The following CSMD1 variants were observed in gnomAD, a reference collection of about 807,000 sequenced individuals.
The protein encoded by CSMD1 is CUB and sushi domain-containing protein 1.
CSMD1 carries 213 observed loss-of-function variants against 417.5 expected under a neutral mutation model. That is an observed-to-expected ratio of 0.51 (90% CI 0.46 to 0.57). The LOEUF is 0.57. Ranked by LOEUF, CSMD1 falls within the 20% of genes least tolerant of loss-of-function variation. The probability of loss-of-function intolerance (pLI) is 0.00; values close to 1 mark genes in which losing one functional copy is unlikely to be tolerated. For missense variants in CSMD1, 6,923 were observed against 4,529.7 expected (o/e 1.53, Z -15.17); for synonymous variants, 2,862 against 1,736.8 (o/e 1.65, Z -16.11).
At chr8:4,018,053 G>T (rs910404581) in intron 4 of CSMD1, among the ~76,000 whole-genome samples, 17 of 146,594 alleles carry the variant, frequency 1.2e-4, no homozygotes, top group African/African-American at 3.5e-4. Context: ...TGTCACTAGT[G>T]TGGGTATGTA....
chr8:4,283,431 C>A (rs1327128442), intron 3 of CSMD1, among the ~76,000 whole-genome samples: 1 of 152,106 alleles, frequency 6.6e-6, no homozygotes, highest in African/African-American at 2.4e-5. Flanking sequence ...CATCTGGGTA[C>A]AGGATTTCCA....
At chr8:4,023,942 A>G (rs1276697933) in intron 4 of CSMD1, among the ~76,000 whole-genome samples, 5 of 151,760 alleles carry the variant, frequency 3.3e-5, no homozygotes, top group East Asian at 1.9e-4. Flanking sequence ...TTACAAGCAG[A>G]CTTTAGATAC....
intron 11 of CSMD1, among the ~76,000 whole-genome samples, chr8:3,483,464 T>C (rs1349903808): frequency 2.0e-5 from 3 of 152,052 alleles, no homozygotes; most frequent in African/African-American, 7.2e-5. Context: ...TAGTCCTTTA[T>C]TATAGAAATT....
intron 1 of CSMD1, among the ~76,000 whole-genome samples, chr8:4,778,420 G>A (rs981250656): frequency 3.9e-5 from 6 of 152,042 alleles, no homozygotes; most frequent in Non-Finnish European, 5.9e-5. Flanking sequence ...GAGCTCCGGT[G>A]GTAATTTGAA....
Position 4,554,812 on chromosome 8 carries a change from GTCCAGTATT to G in CSMD1, c.302+82521_302+82529del, listed in dbSNP as rs1412546019. Among the ~76,000 whole-genome samples the G allele has an allele frequency of 4.1e-4, 62 of 152,350 alleles. No individual in the cohort carries two copies. In the East Asian group the frequency reaches 0.011, roughly 27 times the overall value. The stretch of plus-strand genomic sequence containing the variant: ...AGCAGCGTCCGTCCCTGTTGAGGCA[GTCCAGTATT>G]TTCTGAGTAAGCATTGATGGGGTTA... On this transcript the variant is annotated intron_variant, in intron 2 of 69. Coordinates refer to ENST00000635120, the MANE Select transcript of CSMD1 (RefSeq NM_033225.6).
At chr8:4,940,413 T>C (rs768568970) in intron 1 of CSMD1, among the ~76,000 whole-genome samples, 6 of 152,234 alleles carry the variant, frequency 3.9e-5, no homozygotes, top group East Asian at 1.9e-4. Flanking sequence ...ATTCCAATTA[T>C]GTGTAAAATA....
At chr8:3,985,021 G>A (rs1343871384) in intron 5 of CSMD1, among the ~76,000 whole-genome samples, 1 of 152,014 alleles carries the variant, frequency 6.6e-6, no homozygotes, top group Non-Finnish European at 1.5e-5. Flanking sequence ...TCATAAGGTG[G>A]CTCTGACCAC....
chr8:4,072,057 G>C (rs1183084317), intron 3 of CSMD1, among the ~76,000 whole-genome samples: 1 of 152,156 alleles, frequency 6.6e-6, no homozygotes, highest in Non-Finnish European at 1.5e-5. Context: ...TAGAGTTTTG[G>C]TTTTGCCACC....
intron 3 of CSMD1, among the ~76,000 whole-genome samples, chr8:4,262,257 AG>A (rs1439820203): frequency 3.9e-5 from 6 of 152,156 alleles, no homozygotes; most frequent in Admixed American, 3.3e-4. Context: ...GGCATGGTGG[AG>A]GATGCCCTCC....
At chr8:3,473,087 TA>T (rs1817200742) in intron 11 of CSMD1, among the ~76,000 whole-genome samples, 1 of 152,166 alleles carries the variant, frequency 6.6e-6, no homozygotes, top group South Asian at 2.1e-4. Flanking sequence ...AATTGTCATG[TA>T]AAAAATTCTT....
At chr8:4,741,800 G>T (rs945963588) in intron 1 of CSMD1, among the ~76,000 whole-genome samples, 2 of 151,928 alleles carry the variant, frequency 1.3e-5, no homozygotes, top group African/African-American at 2.4e-5. Context: ...TCTAAACAGT[G>T]CCCTGGTGAT....
At chr8:4,307,844 A>T (rs544193581) in intron 3 of CSMD1, among the ~76,000 whole-genome samples, 8 of 152,304 alleles carry the variant, frequency 5.3e-5, no homozygotes, top group African/African-American at 9.6e-5. Context: ...ACTGTGGTGA[A>T]ACTCAACAGA....
At chr8:3,913,421 G>A (rs2948652) in intron 5 of CSMD1, among the ~76,000 whole-genome samples, 2 of 151,862 alleles carry the variant, frequency 1.3e-5, no homozygotes, top group African/African-American at 4.8e-5. Flanking sequence ...ACTGGGATGT[G>A]TCCCAGAAGC....
intron 39 of CSMD1, among the ~76,000 whole-genome samples, chr8:3,152,337 C>G (rs929184221): frequency 6.6e-6 from 1 of 152,152 alleles, no homozygotes; most frequent in Non-Finnish European, 1.5e-5. Context: ...CATTTGTAGC[C>G]TATTAAAATA....
At chr8:4,578,915 C>T (rs1195105254) in intron 2 of CSMD1, among the ~76,000 whole-genome samples, 1 of 150,416 alleles carries the variant, frequency 6.6e-6, no homozygotes, top group Non-Finnish European at 1.5e-5. Flanking sequence ...ATGTGAAAAC[C>T]ACCATGTGGA....
At chr8:3,982,828 C>A (rs995009501) in intron 5 of CSMD1, among the ~76,000 whole-genome samples, 2 of 152,196 alleles carry the variant, frequency 1.3e-5, no homozygotes, top group Non-Finnish European at 1.5e-5. Context: ...GCACGATGGT[C>A]ACTTTCATCA....
intron 1 of CSMD1, among the ~76,000 whole-genome samples, chr8:4,647,123 C>G (rs577923644): frequency 6.6e-6 from 1 of 152,032 alleles, no homozygotes; most frequent in East Asian, 1.9e-4. Context: ...TCCAACAAGT[C>G]AAATTTAAAT....
chr8:3,638,966 C>A (rs1026026087), intron 7 of CSMD1, among the ~76,000 whole-genome samples: 6 of 152,170 alleles, frequency 3.9e-5, no homozygotes, highest in Non-Finnish European at 8.8e-5. Context: ...GAAATTATTT[C>A]AAATAAGAGA....
At chr8:4,338,104 G>A (rs1448365222) in intron 3 of CSMD1, among the ~76,000 whole-genome samples, 2 of 151,996 alleles carry the variant, frequency 1.3e-5, no homozygotes, top group Non-Finnish European at 2.9e-5. Flanking sequence ...TGTAACTTTG[G>A]TGTACAATTA....
Sources: gnomAD v4.1 joint callset for allele counts (sites outside exome capture counted in the v4.1 genomes callset) on GRCh38, gnomAD v4.1.1 for gene constraint, MANE v1.5 for transcripts, NCBI Gene and HGNC (gene_info 2026-07-23, HGNC 2026-07-21) for gene names.